The following FER variants were observed in gnomAD, a reference collection of about 807,000 sequenced individuals.
FER encodes the protein tyrosine-protein kinase Fer.
Under a neutral mutation model 111.0 loss-of-function variants are expected in FER, and 63 were observed. That is an observed-to-expected ratio of 0.57 (90% CI 0.46 to 0.70). The LOEUF is 0.70. FER is among the 30% of genes least tolerant of loss of function. The pLI is 0.00. For missense variants in FER, 914 were observed against 954.0 expected, an observed-to-expected ratio of 0.96 and a Z score of 0.55; for synonymous variants, 327 against 313.9, an observed-to-expected ratio of 1.04 and a Z score of -0.44.
At chr5:109,041,098 T>C (rs1397841381) in intron 14 of FER, among the ~76,000 whole-genome samples, 2 of 152,132 alleles carry the variant, frequency 1.3e-5, no homozygotes, top group African/African-American at 2.4e-5. Flanking sequence ...TCTAAAGAAA[T>C]ATAATATGAT....
At chr5:109,149,154 T>A (rs1754549192) in intron 17 of FER, among the ~76,000 whole-genome samples, 1 of 152,204 alleles carries the variant, frequency 6.6e-6, no homozygotes, top group African/African-American at 2.4e-5. Context: ...TGTGAATGTT[T>A]CTGTGACCAT....
chr5:109,186,380 T>G, intron 19 of FER, 58 bp downstream of exon 19: 1 of 1,612,784 alleles, frequency 6.2e-7, no homozygotes, highest in Non-Finnish European at 8.5e-7. Context: ...TAGGCAGTGC[T>G]TATAGTGTGT....
intron 16 of FER, among the ~76,000 whole-genome samples, chr5:109,085,933 G>A (rs1352034828): frequency 6.6e-6 from 1 of 151,686 alleles, no homozygotes; most frequent in Non-Finnish European, 1.5e-5. Flanking sequence ...AAGTATTGCT[G>A]CATTCTATTA....
At chr5:109,062,866 C>A (rs1373329155) in intron 16 of FER, among the ~76,000 whole-genome samples, 3 of 152,096 alleles carry the variant, frequency 2.0e-5, no homozygotes, top group Non-Finnish European at 4.4e-5. Context: ...GTACAATTCT[C>A]AGCTCACACA....
chr5:108,904,898 C>A (rs1366798420), intron 10 of FER, among the ~76,000 whole-genome samples: 1 of 152,048 alleles, frequency 6.6e-6, no homozygotes, highest in Non-Finnish European at 1.5e-5. Flanking sequence ...ACTTCAGTGT[C>A]TTAACAAACC....
At chr5:109,075,224 A>C (rs1776186722) in intron 16 of FER, among the ~76,000 whole-genome samples, 4 of 152,146 alleles carry the variant, frequency 2.6e-5, no homozygotes, top group Admixed American at 2.0e-4. Flanking sequence ...CTTAGAAAAA[A>C]ATTAATGTAA....
intron 5 of FER, among the ~76,000 whole-genome samples, chr5:108,850,193 CA>C (rs57756039): frequency 0.022 from 2,804 of 126,642 alleles, 86 homozygotes; most frequent in African/African-American, 0.07. Flanking sequence ...GACTCCGTCT[CA>C]AAAAAAAAAA....
intron 14 of FER, among the ~76,000 whole-genome samples, chr5:109,037,781 A>G (rs575534474): frequency 6.6e-6 from 1 of 152,158 alleles, no homozygotes; most frequent in South Asian, 2.1e-4. Context: ...TAGTGAACTG[A>G]GATTTGAAAA....
chr5:109,110,406 G>A lies in FER; in HGVS notation c.2048+9887G>A, dbSNP rs117866972. Among the ~76,000 whole-genome samples, 633 of 152,192 alleles carry A rather than the reference G, an allele frequency of 4.2e-3. 19 individuals are homozygous for A. Among genetic ancestry groups the A allele is most frequent in the Admixed American group, 0.034 (518 of 15,258 alleles). ...AGCCATGTGAATATCAGTGAGAAGA[G>A]CCTTCCTGGCAATGAGCATTGGAAC... On this transcript the variant is annotated intron_variant, in intron 17 of 19. Coordinates refer to ENST00000281092, the MANE Select transcript of FER (RefSeq NM_005246.4).
At chr5:108,955,371 A>C (rs1334007626) in intron 12 of FER, among the ~76,000 whole-genome samples, 1 of 151,736 alleles carries the variant, frequency 6.6e-6, no homozygotes, top group Non-Finnish European at 1.5e-5. Context: ...GTAATAATAA[A>C]ATTTCTTAAT....
At chr5:108,756,170 AAAAT>A (rs1478692466) in intron 1 of FER, among the ~76,000 whole-genome samples, 1 of 143,190 alleles carries the variant, frequency 7.0e-6, no homozygotes, top group Non-Finnish European at 1.6e-5. Context: ...AAAAAAAAAA[AAAAT>A]AATAATAATA....
intron 13 of FER, among the ~76,000 whole-genome samples, chr5:109,007,880 C>T (rs539508732): frequency 3.6e-4 from 55 of 152,262 alleles, no homozygotes; most frequent in African/African-American, 9.9e-4. Flanking sequence ...CTACCAACTG[C>T]GTGAGAATTC....
At chr5:109,168,600 C>G (rs975614506) in intron 17 of FER, among the ~76,000 whole-genome samples, 11 of 152,220 alleles carry the variant, frequency 7.2e-5, no homozygotes, top group African/African-American at 2.4e-4. Context: ...CTTCCCCATA[C>G]CTCTTCATTT....
intron 13 of FER, among the ~76,000 whole-genome samples, chr5:108,969,898 G>A (rs1760402339): frequency 6.7e-6 from 1 of 148,192 alleles, no homozygotes; most frequent in Non-Finnish European, 1.5e-5. Context: ...GATTACCTTA[G>A]AGTGGAGTAG....
intron 8 of FER, among the ~76,000 whole-genome samples, chr5:108,875,673 T>A (rs1249801828): frequency 6.6e-6 from 1 of 152,168 alleles, no homozygotes; most frequent in African/African-American, 2.4e-5. Context: ...TGGTGACCTA[T>A]TGCAAACTTA....
intron 17 of FER, among the ~76,000 whole-genome samples, chr5:109,155,737 A>G (rs1014889709): frequency 6.6e-6 from 1 of 152,038 alleles, no homozygotes; most frequent in Non-Finnish European, 1.5e-5. Context: ...AATGGATGAT[A>G]AAATAGATTG....
At chr5:109,017,563 A>T (rs984270871) in intron 13 of FER, among the ~76,000 whole-genome samples, 5 of 151,978 alleles carry the variant, frequency 3.3e-5, no homozygotes, top group African/African-American at 1.2e-4. Context: ...TGTAATTCAT[A>T]AGAAAAGAGA....
At chr5:109,053,424 AT>A (rs1310227833) in intron 16 of FER, among the ~76,000 whole-genome samples, 1 of 150,734 alleles carries the variant, frequency 6.6e-6, no homozygotes, top group African/African-American at 2.4e-5. Context: ...TGTGAAGCTC[AT>A]TGTGGCAGAT....
chr5:109,141,939 C>CA (rs1753565768), intron 17 of FER, among the ~76,000 whole-genome samples: 1 of 152,140 alleles, frequency 6.6e-6, no homozygotes, highest in African/African-American at 2.4e-5. Context: ...TAAAAGCCTA[C>CA]AGACACATCA....
Sources: gnomAD v4.1 joint callset for allele counts (sites outside exome capture counted in the v4.1 genomes callset) on GRCh38, gnomAD v4.1.1 for gene constraint, MANE v1.5 for transcripts, NCBI Gene and HGNC (gene_info 2026-07-23, HGNC 2026-07-21) for gene names.